TAB2: variants seen among roughly 807,000 people sequenced by gnomAD.
TAB2 encodes TGF-beta activated kinase 1 (MAP3K7) binding protein 2, also known as TGF-beta-activated kinase 1 and MAP3K7-binding protein 2.
TAB2 carries 3 observed loss-of-function variants against 65.0 expected under a neutral mutation model. The observed-to-expected ratio is 0.05, with a 90% CI of 0.02 to 0.12. The LOEUF (loss-of-function observed/expected upper bound fraction) is 0.12, where lower values mean the gene tolerates loss of function less well. TAB2 is among the 10% of genes least tolerant of loss of function. TAB2 has a pLI of 1.00. For synonymous variants in TAB2, 298 were observed against 285.1 expected (o/e 1.05, Z -0.46); for missense variants, 623 against 840.3 (o/e 0.74, Z 3.20).
chr6:149,383,518 C>A (rs1037159490), intron 3 of TAB2, among the ~76,000 whole-genome samples: 1 of 152,198 alleles, frequency 6.6e-6, no homozygotes. Context: ...TGTTCTCCAA[C>A]TTTTCTTCTC....
At chr6:149,313,025 G>T (rs1014344192), upstream of TAB2, among the ~76,000 whole-genome samples, 9 of 151,886 alleles carry the variant, frequency 5.9e-5, no homozygotes, top group African/African-American at 2.2e-4. Flanking sequence ...TTTACTCTCA[G>T]CCTAAAAATA....
chr6:149,273,061 T>A (rs1281057236), intron 1 of TAB2, among the ~76,000 whole-genome samples: 3 of 150,322 alleles, frequency 2.0e-5, no homozygotes, highest in Admixed American at 1.3e-4. Context: ...CATGGAAAAA[T>A]TGCCTTTCAT....
chr6:149,237,312 A>C (rs1285413691), intron 1 of TAB2, among the ~76,000 whole-genome samples: 1 of 152,180 alleles, frequency 6.6e-6, no homozygotes, highest in African/African-American at 2.4e-5. Flanking sequence ...CACCTCTTGC[A>C]AAGTCTTCTT....
At chr6:149,331,957 A>G (rs539354577) in intron 1 of TAB2, among the ~76,000 whole-genome samples, 1 of 152,192 alleles carries the variant, frequency 6.6e-6, no homozygotes. Flanking sequence ...CAGGACAGTA[A>G]TAGGAAAGGG....
At chr6:149,320,280 A>G (rs1779396885) in intron 1 of TAB2, among the ~76,000 whole-genome samples, 1 of 151,952 alleles carries the variant, frequency 6.6e-6, no homozygotes, top group East Asian at 1.9e-4. Flanking sequence ...TTTCACCATG[A>G]TGGCCTGGCT....
chr6:149,286,267 A>C (rs772896516), intron 1 of TAB2, among the ~76,000 whole-genome samples: 1 of 152,222 alleles, frequency 6.6e-6, no homozygotes, highest in Non-Finnish European at 1.5e-5. Flanking sequence ...CAGAATATGA[A>C]AAACTATTTT....
chr6:149,288,945 T>A (rs1778725904), intron 1 of TAB2, among the ~76,000 whole-genome samples: 1 of 147,796 alleles, frequency 6.8e-6, no homozygotes, highest in South Asian at 2.2e-4. Flanking sequence ...GCAACCTCCA[T>A]CGCCTGGGTT....
intron 1 of TAB2, among the ~76,000 whole-genome samples, chr6:149,256,846 T>G (rs9386249): frequency 0.17 from 25,767 of 152,180 alleles, 2,311 homozygotes; most frequent in East Asian, 0.27. Context: ...CTGAAGGATT[T>G]CATCCCAGGG....
intron 1 of TAB2, among the ~76,000 whole-genome samples, chr6:149,339,661 C>T (rs945495211): frequency 6.9e-6 from 1 of 145,764 alleles, no homozygotes; most frequent in Non-Finnish European, 1.5e-5. Context: ...TGCAGTGGTG[C>T]GATTGCAGCC....
intron 1 of TAB2, among the ~76,000 whole-genome samples, chr6:149,328,846 A>G (rs745804068): frequency 6.6e-6 from 1 of 152,198 alleles, no homozygotes; most frequent in Non-Finnish European, 1.5e-5. Flanking sequence ...CTATTCAGTA[A>G]GGGATGAAAG....
intron 1 of TAB2, among the ~76,000 whole-genome samples, chr6:149,224,789 C>G (rs954573119): frequency 1.3e-5 from 2 of 152,180 alleles, no homozygotes; most frequent in Non-Finnish European, 2.9e-5. Flanking sequence ...TTAATGCCAT[C>G]CTACATACCT....
intron 1 of TAB2, among the ~76,000 whole-genome samples, chr6:149,326,788 TCCAC>T (rs1192682677): frequency 6.6e-6 from 1 of 152,202 alleles, no homozygotes; most frequent in Non-Finnish European, 1.5e-5. Flanking sequence ...CCTCAGGTGA[TCCAC>T]CCATCCTCAG....
chr6:149,326,265 C>T (rs1337417124), intron 1 of TAB2, among the ~76,000 whole-genome samples: 1 of 91,580 alleles, frequency 1.1e-5, no homozygotes, highest in African/African-American at 4.2e-5. Flanking sequence ...AAGCAAGACC[C>T]CATCTCAAAA....
At chr6:149,407,491 A>G (rs535411301) in intron 6 of TAB2, among the ~76,000 whole-genome samples, 1 of 152,302 alleles carries the variant, frequency 6.6e-6, no homozygotes, top group South Asian at 2.1e-4. Context: ...ATTTTCTGTA[A>G]TAAGAAAGGT....
intron 1 of TAB2, among the ~76,000 whole-genome samples, chr6:149,320,808 A>G (rs955389762): frequency 2.0e-5 from 3 of 152,174 alleles, no homozygotes; most frequent in Non-Finnish European, 4.4e-5. Context: ...CATAAATTAA[A>G]CTGTAATTGA....
intron 6 of TAB2, chr6:149,400,687 A>AC: frequency 6.2e-7 from 1 of 1,612,640 alleles, no homozygotes; most frequent in Non-Finnish European, 8.5e-7. Flanking sequence ...TGAAAAGGGA[A>AC]CCTGCTTCTT....
chr6:149,333,745 GTCTA>G (rs759301816), intron 1 of TAB2, among the ~76,000 whole-genome samples: 5 of 148,838 alleles, frequency 3.4e-5, no homozygotes, highest in African/African-American at 1.3e-4. Flanking sequence ...GTGTGTGTGT[GTCTA>G]TGTGTCTGTG....
chr6:149,292,488 CCTT>C (rs1351116551), intron 1 of TAB2, among the ~76,000 whole-genome samples: 1 of 151,708 alleles, frequency 6.6e-6, no homozygotes, highest in East Asian at 1.9e-4. Flanking sequence ...TAGAATTTCT[CCTT>C]ACTTTGAAAA....
chr6:149,365,732 A>G (rs1428646984), intron 1 of TAB2, among the ~76,000 whole-genome samples: 1 of 151,472 alleles, frequency 6.6e-6, no homozygotes, highest in Non-Finnish European at 1.5e-5. Flanking sequence ...TTCCTTCTGA[A>G]TCTCCAATTA....
Sources: gnomAD v4.1 joint callset for allele counts (sites outside exome capture counted in the v4.1 genomes callset) on GRCh38, gnomAD v4.1.1 for gene constraint, MANE v1.5 for transcripts, NCBI Gene and HGNC (gene_info 2026-07-23, HGNC 2026-07-21) for gene names.